Variants in TNNI3K observed in about 807,000 individuals in gnomAD.
TNNI3K encodes serine/threonine-protein kinase TNNI3K.
A neutral mutation model predicts 114.5 loss-of-function variants in TNNI3K; 140 were observed. The observed-to-expected ratio is 1.22, with a 90% CI of 1.07 to 1.41. The LOEUF is 1.41. Among genes scored for constraint, TNNI3K ranks in the 40% most tolerant of loss-of-function variants. The probability of loss-of-function intolerance (pLI) is 0.00; values close to 1 mark genes in which losing one functional copy is unlikely to be tolerated. For missense variants in TNNI3K, 1,125 were observed against 1,007.6 expected, an observed-to-expected ratio of 1.12 and a Z score of -1.58; for synonymous variants, 347 against 347.5, an observed-to-expected ratio of 1.00 and a Z score of 0.02.
chr1:74,242,225 C>G (rs1654280190), intron 2 of TNNI3K, among the ~76,000 whole-genome samples: 1 of 152,080 alleles, frequency 6.6e-6, no homozygotes, highest in Non-Finnish European at 1.5e-5. Flanking sequence ...GTAGATACAT[C>G]TTGGTCAGTA....
intron 9 of TNNI3K, among the ~76,000 whole-genome samples, chr1:74,350,130 C>A (rs998758199): frequency 1.3e-5 from 2 of 152,104 alleles, no homozygotes; most frequent in African/African-American, 2.4e-5. Flanking sequence ...TTTCCCTCTA[C>A]ACACTGCTTT....
At chr1:74,333,713 G>A (rs1557502889) in intron 6 of TNNI3K, among the ~76,000 whole-genome samples, 1 of 152,276 alleles carries the variant, frequency 6.6e-6, no homozygotes, top group East Asian at 1.9e-4. Context: ...TACCTAATGT[G>A]CCATGTTCCT....
chr1:74,366,908 A>G (rs1662303078), intron 11 of TNNI3K, among the ~76,000 whole-genome samples: 2 of 151,956 alleles, frequency 1.3e-5, no homozygotes, highest in South Asian at 2.1e-4. Context: ...CCCTTATTAT[A>G]TATTCCCATA....
intron 22 of TNNI3K, among the ~76,000 whole-genome samples, chr1:74,491,303 T>C (rs575335552): frequency 6.9e-4 from 105 of 152,340 alleles, no homozygotes; most frequent in African/African-American, 2.4e-3. Context: ...CACTGCAACC[T>C]CTGCCTCCCA....
At chr1:74,454,038 C>A (rs1476703316) in intron 20 of TNNI3K, among the ~76,000 whole-genome samples, 2 of 152,098 alleles carry the variant, frequency 1.3e-5, no homozygotes, top group Non-Finnish European at 2.9e-5. Context: ...TTTAACCTAT[C>A]TATACCTTAG....
intron 20 of TNNI3K, among the ~76,000 whole-genome samples, chr1:74,462,236 T>G (rs564082635): frequency 4.0e-4 from 61 of 152,334 alleles, no homozygotes; most frequent in Admixed American, 1.6e-3. Context: ...ATAATTTCAC[T>G]AGGCCTACTG....
chr1:74,481,912 C>T (rs1472405213), intron 21 of TNNI3K, among the ~76,000 whole-genome samples: 1 of 152,088 alleles, frequency 6.6e-6, no homozygotes, highest in East Asian at 1.9e-4. Flanking sequence ...TCACAAATCC[C>T]TTAGGAAATT....
chr1:74,369,402 A>G lies in TNNI3K; in HGVS notation c.1484A>G (p.Asn495Ser). 1.2e-6 allele frequency: 2 copies of G among 1,610,756 alleles called. No individual in the cohort carries two copies. The highest frequency in any genetic ancestry group is 1.7e-6 in the Non-Finnish European group (2 of 1,178,366). The change falls in exon 16 of 25, where the codon AAT (asparagine) becomes AGT (serine). Residue 495 changes from asparagine to serine, a missense_variant. Asn to Ser is a conservative substitution (Grantham distance 46, BLOSUM62 1). Transcript: ENST00000326637. ...GCTGCCATTTCCAGTTATCGAGCCA[A>G]TACCTACTGCTCCAAGTCAGATGTG... The part of the protein sequence containing the change: ...KIVAIKRYRA[N>S]TYCSKSDVDM...
chr1:74,320,557 G>A (rs1415776608), intron 5 of TNNI3K, among the ~76,000 whole-genome samples: 1 of 152,136 alleles, frequency 6.6e-6, no homozygotes, highest in Admixed American at 6.5e-5. Flanking sequence ...TCCAAAAAAG[G>A]CACACACTTC....
At chr1:74,452,213 A>G (rs1407334108) in intron 20 of TNNI3K, among the ~76,000 whole-genome samples, 2 of 152,134 alleles carry the variant, frequency 1.3e-5, no homozygotes, top group Non-Finnish European at 2.9e-5. Context: ...TTTCCTCAGT[A>G]AATGCAATTA....
At chr1:74,300,400 T>A (rs1456330521) in intron 5 of TNNI3K, among the ~76,000 whole-genome samples, 1 of 152,182 alleles carries the variant, frequency 6.6e-6, no homozygotes, top group Non-Finnish European at 1.5e-5. Flanking sequence ...TTTTTAGGGT[T>A]TTATTTAAAT....
intron 13 of TNNI3K, among the ~76,000 whole-genome samples, 187 bp downstream of exon 13, chr1:74,368,151 T>C (rs1446890372): frequency 6.6e-6 from 1 of 151,886 alleles, no homozygotes; most frequent in East Asian, 1.9e-4. Context: ...CATAAAGATA[T>C]AATAACAGTG....
rs72971708 is a variant in TNNI3K at position 74,486,938 on chromosome 1, T to C, written c.2122-2251T>C. Among the ~76,000 whole-genome samples, 221 of 152,126 alleles carry C rather than the reference T, an allele frequency of 1.5e-3. 2 individuals are homozygous for C. Among genetic ancestry groups the C allele is most frequent in the African/African-American group, 5.0e-3 (206 of 41,514 alleles). On this transcript the variant is annotated intron_variant, in intron 21 of 24. Transcript: ENST00000326637. ...GAGATGTAACCATTGAATTTAGCAA[T>C]GAGATCTTTGTAACCTTGACAAGGG...
At chr1:74,273,601 T>A (rs1392094433) in intron 5 of TNNI3K, among the ~76,000 whole-genome samples, 1 of 151,998 alleles carries the variant, frequency 6.6e-6, no homozygotes, top group East Asian at 1.9e-4. Flanking sequence ...GCTTAGTTTC[T>A]TCATCTCCTA....
In TNNI3K at chr1:74,336,146, G is replaced by C; in HGVS notation, c.679G>C (p.Asp227His). ...KLLMEEGSKADVNAQDNEDHV... is the reference protein window; with the variant it reads ...KLLMEEGSKAHVNAQDNEDHV... ...CTTGATGGAAGAAGGCAGCAAAGCA[G>C]ATGGTAAGATTATATATTTAAAAGA... The change falls in exon 7 of 25, where the codon GAT becomes CAT. Residue 227 changes from aspartate (D) to histidine (H), a missense_variant. Physicochemically the swap from Asp to His is moderately conservative, Grantham distance 81. Transcript: ENST00000326637. 6.3e-7 allele frequency: 1 copy of C among 1,597,102 alleles called. No individual in the cohort carries two copies. Among genetic ancestry groups the C allele is most frequent in the East Asian group, 2.2e-5 (1 of 44,574 alleles).
At position 74,492,197 on chromosome 1, in the gene TNNI3K, C is replaced by T; in HGVS notation, c.2282C>T (p.Ala761Val). Residue 761 changes from alanine (A) to valine (V), a missense_variant, in exon 23 of 25, where the codon GCA (alanine) becomes GTA (valine). Physicochemically the swap from Ala to Val is moderately conservative, Grantham distance 64 (BLOSUM62 0). Coordinates refer to ENST00000326637, the MANE Select transcript of TNNI3K (RefSeq NM_015978.3). ...GGAGGACCTGGCCGGAGTCATGTGG[C>T]AGCATTAAGAAGTCGTTTCGAATTG... The part of the protein sequence containing the change: ...NRGGPGRSHV[A>V]ALRSRFELEY... 1 of 1,612,840 alleles carries T rather than the reference C, an allele frequency of 6.2e-7. No homozygotes were observed. The highest frequency in any genetic ancestry group is 8.5e-7 in the Non-Finnish European group (1 of 1,179,182).
chr1:74,543,871 T>G lies in TNNI3K; in HGVS notation c.2432-35T>G, dbSNP rs1557639888. ...AAAATTGGGGGATGTACTGAAAGAC[T>G]AGTAAGTAACAACTGAACTTCTTTT... is the stretch of plus-strand genomic sequence containing the variant. On this transcript the variant is annotated intron_variant, in intron 24 of 24. Transcript: ENST00000326637. The G allele has an allele frequency of 1.9e-6, 3 of 1,612,964 alleles. No individual in the cohort carries two copies. The Admixed American group carries it at 5.0e-5, about 27-fold the overall frequency.
intron 23 of TNNI3K, among the ~76,000 whole-genome samples, chr1:74,535,916 G>T (rs182346466): frequency 1.2e-3 from 190 of 152,226 alleles, no homozygotes; most frequent in African/African-American, 4.4e-3. Context: ...CCAGCTGTAT[G>T]TTCTAGCCTA....
At chr1:74,479,910 T>C (rs1054870286) in intron 21 of TNNI3K, among the ~76,000 whole-genome samples, 1 of 152,244 alleles carries the variant, frequency 6.6e-6, no homozygotes, top group South Asian at 2.1e-4. Flanking sequence ...CAATGCTATT[T>C]ATACCAGGGC....
Sources: gnomAD v4.1 joint callset for allele counts (sites outside exome capture counted in the v4.1 genomes callset) on GRCh38, gnomAD v4.1.1 for gene constraint, MANE v1.5 for transcripts, NCBI Gene and HGNC (gene_info 2026-07-23, HGNC 2026-07-21) for gene names.